CACNA2D3: variants seen among roughly 807,000 people sequenced by gnomAD.
CACNA2D3 encodes calcium voltage-gated channel auxiliary subunit alpha2delta 3, also known as voltage-dependent calcium channel subunit alpha-2/delta-3.
A neutral mutation model predicts 160.6 loss-of-function variants in CACNA2D3; 60 were observed. The ratio of observed to expected loss-of-function variants is 0.37; its 90% CI spans 0.30 to 0.46. The LOEUF is 0.46. Among genes scored for constraint, CACNA2D3 ranks in the 20% least tolerant of loss-of-function variants. The probability of loss-of-function intolerance (pLI) is 1.00; values close to 1 mark genes in which losing one functional copy is unlikely to be tolerated. For missense variants in CACNA2D3, 1,205 were observed against 1,365.0 expected (o/e 0.88, Z 1.85); for synonymous variants, 558 against 492.9 (o/e 1.13, Z -1.75).
rs1162900126 is a variant in CACNA2D3, at chr3:54,688,979, C to CAAA, written c.1167+46768_1167+46770dup. On this transcript the variant is annotated intron_variant, in intron 11 of 37. Coordinates refer to ENST00000474759, the MANE Select transcript of CACNA2D3 (RefSeq NM_018398.3). ...CCTGGGAGACAGTGTGAGACTGTCT[C>CAAA]AAAAAAAAAAAAAAAAAAAAAAAAA... Among the ~76,000 whole-genome samples the CAAA allele has an allele frequency of 2.8e-3, 88 of 31,426 alleles. 6 individuals carry two copies. The East Asian group carries it at 0.059, about 21-fold the overall frequency. 20.6% of individuals were successfully genotyped at this position (31,426 alleles called of 152,430 possible).
intron 12 of CACNA2D3, among the ~76,000 whole-genome samples, chr3:54,756,828 G>A (rs560575833): frequency 4.1e-4 from 63 of 152,134 alleles, no homozygotes; most frequent in Middle Eastern, 3.4e-3. Flanking sequence ...GGGGACATTC[G>A]TACCCCTTGC....
Position 54,969,848 on chromosome 3 carries a change from A to C in CACNA2D3, c.2556+4A>C. 1 of 1,613,166 alleles carries C rather than the reference A, an allele frequency of 6.2e-7. No individual in the cohort carries two copies. Among genetic ancestry groups the C allele is most frequent in the Non-Finnish European group, 8.5e-7 (1 of 1,179,408 alleles). On this transcript the variant is annotated splice_donor_region_variant and intron_variant, in intron 29 of 37. Coordinates refer to ENST00000474759, the MANE Select transcript of CACNA2D3 (RefSeq NM_018398.3). ...CTCCATCAGCTGTGATGATGAGGTA[A>C]GACGGCCTCCTGGTCCTGTTTCTAC...
chr3:54,537,286 G>A (rs1383858118), intron 5 of CACNA2D3, among the ~76,000 whole-genome samples: 3 of 152,028 alleles, frequency 2.0e-5, no homozygotes, highest in African/African-American at 7.2e-5. Context: ...ATTATGTGGT[G>A]GTGAAGCAAG....
At chr3:54,933,249 T>G (rs79854753) in intron 27 of CACNA2D3, among the ~76,000 whole-genome samples, 1,681 of 152,338 alleles carry the variant, frequency 0.011, 41 homozygotes, top group African/African-American at 0.038. Flanking sequence ...GGGCACATAG[T>G]GCTAATAATT....
intron 27 of CACNA2D3, among the ~76,000 whole-genome samples, chr3:54,923,310 C>T (rs1700906916): frequency 6.6e-6 from 1 of 152,128 alleles, no homozygotes; most frequent in Non-Finnish European, 1.5e-5. Context: ...TGTCTTGTCC[C>T]TCTTTTTGTC....
chr3:54,679,894 G>T (rs922325479), intron 11 of CACNA2D3, among the ~76,000 whole-genome samples: 2 of 152,228 alleles, frequency 1.3e-5, no homozygotes, highest in Non-Finnish European at 2.9e-5. Flanking sequence ...TTCAAAGTTT[G>T]AAACTTTTAA....
At chr3:54,682,161 GCACACACACACACA>G (rs138753206) in intron 11 of CACNA2D3, among the ~76,000 whole-genome samples, 12 of 144,784 alleles carry the variant, frequency 8.3e-5, no homozygotes, top group African/African-American at 1.3e-4. Context: ...AAACAGAACA[GCACACACACACACA>G]CACACACACA....
intron 18 of CACNA2D3, among the ~76,000 whole-genome samples, chr3:54,877,467 T>G (rs1368658468): frequency 6.6e-6 from 1 of 152,286 alleles, no homozygotes; most frequent in South Asian, 2.1e-4. Flanking sequence ...TCACTACAAC[T>G]TAATGGGATG....
intron 35 of CACNA2D3, among the ~76,000 whole-genome samples, chr3:55,028,217 A>G (rs1703607213): frequency 6.6e-6 from 1 of 152,326 alleles, no homozygotes; most frequent in African/African-American, 2.4e-5. Flanking sequence ...AAAAGTGGAC[A>G]TTTGTATGTC....
intron 14 of CACNA2D3, among the ~76,000 whole-genome samples, chr3:54,823,615 C>CA (rs1559596169): frequency 6.6e-6 from 1 of 151,768 alleles, no homozygotes; most frequent in African/African-American, 2.4e-5. Context: ...ACTGAACTTC[C>CA]AAAAAACAGA....
At chr3:55,007,668 G>A (rs1703126211) in intron 32 of CACNA2D3, 122 bp from the exon 33 acceptor site, 1 of 659,818 alleles carries the variant, frequency 1.5e-6, no homozygotes, top group Non-Finnish European at 2.5e-6. Flanking sequence ...GAACGCCACT[G>A]TTTTTTAACA....
At chr3:54,363,716 T>C (rs1314139024) in intron 3 of CACNA2D3, among the ~76,000 whole-genome samples, 1 of 152,154 alleles carries the variant, frequency 6.6e-6, no homozygotes, top group Non-Finnish European at 1.5e-5. Context: ...GTCTCAAGGT[T>C]CTTTGGGTGG....
At chr3:54,218,589 A>G (rs1272513698) in intron 2 of CACNA2D3, among the ~76,000 whole-genome samples, 1 of 152,216 alleles carries the variant, frequency 6.6e-6, no homozygotes, top group Non-Finnish European at 1.5e-5. Flanking sequence ...GACTTGGGAC[A>G]GGATTTTAGT....
At chr3:55,062,186 C>G (rs984274775) in intron 35 of CACNA2D3, among the ~76,000 whole-genome samples, 2 of 152,166 alleles carry the variant, frequency 1.3e-5, no homozygotes, top group Admixed American at 1.3e-4. Flanking sequence ...GTGGCATGAT[C>G]ATAGCTCACT....
chr3:54,326,814 A>G (rs569922381), intron 3 of CACNA2D3, among the ~76,000 whole-genome samples: 2 of 152,228 alleles, frequency 1.3e-5, no homozygotes, highest in Non-Finnish European at 2.9e-5. Context: ...CTCATCTCAG[A>G]ATTTCAAAGC....
intron 5 of CACNA2D3, among the ~76,000 whole-genome samples, chr3:54,525,432 T>G (rs972386226): frequency 2.6e-5 from 4 of 152,188 alleles, no homozygotes; most frequent in Non-Finnish European, 4.4e-5. Flanking sequence ...TTTTGTCTTG[T>G]GACTTTGAAT....
At chr3:54,682,349 G>A (rs903203214) in intron 11 of CACNA2D3, among the ~76,000 whole-genome samples, 4 of 152,108 alleles carry the variant, frequency 2.6e-5, no homozygotes, top group African/African-American at 9.7e-5. Flanking sequence ...GAATTAGCCC[G>A]GGCGTGGTGG....
chr3:54,695,395 T>G (rs1361660910), intron 11 of CACNA2D3, among the ~76,000 whole-genome samples: 2 of 145,528 alleles, frequency 1.4e-5, no homozygotes, highest in Non-Finnish European at 3.0e-5. Context: ...TTCTTGTTGC[T>G]TTTTTTTTTT....
At chr3:54,940,337 A>C (rs1701435174) in intron 27 of CACNA2D3, among the ~76,000 whole-genome samples, 1 of 152,196 alleles carries the variant, frequency 6.6e-6, no homozygotes. Context: ...AATATATTCA[A>C]CTTCCCTGTA....
Sources: allele counts gnomAD v4.1 joint callset (sites outside exome capture counted in the v4.1 genomes callset), GRCh38; gene constraint gnomAD v4.1.1; transcripts MANE v1.5; gene names NCBI Gene and HGNC (gene_info 2026-07-23, HGNC 2026-07-21).